ALK: variants seen among roughly 807,000 people sequenced by gnomAD.
The protein encoded by ALK is ALK receptor tyrosine kinase.
A neutral mutation model predicts 163.1 loss-of-function variants in ALK; 74 were observed. The observed-to-expected ratio is 0.45, with a 90% CI of 0.38 to 0.55. The LOEUF (loss-of-function observed/expected upper bound fraction) is 0.55. Ranked by LOEUF, ALK falls within the 20% of genes least tolerant of loss-of-function variation. The probability of loss-of-function intolerance (pLI) is 0.00; values close to 1 mark genes in which losing one functional copy is unlikely to be tolerated. For missense variants in ALK, 2,063 were observed against 2,105.3 expected (o/e 0.98, Z 0.39); for synonymous variants, 960 against 843.2 (o/e 1.14, Z -2.40).
chr2:29,894,367 T>C (rs1667217586), intron 1 of ALK, among the ~76,000 whole-genome samples: 2 of 152,190 alleles, frequency 1.3e-5, no homozygotes, highest in African/African-American at 2.4e-5. Context: ...GTGAGATACT[T>C]GGGCAAGGGA....
chr2:29,442,127 C>CCT (rs72540454), intron 4 of ALK, among the ~76,000 whole-genome samples: 1 of 151,250 alleles, frequency 6.6e-6, no homozygotes, highest in Non-Finnish European at 1.5e-5. Flanking sequence ...CCTCTGGTCT[C>CCT]CGGCAGCCAT....
chr2:29,867,915 G>A (rs1488875002), intron 1 of ALK, among the ~76,000 whole-genome samples: 1 of 152,314 alleles, frequency 6.6e-6, no homozygotes, highest in Non-Finnish European at 1.5e-5. Context: ...GATGGGAGGA[G>A]TGGGCAGCTG....
intron 1 of ALK, among the ~76,000 whole-genome samples, chr2:29,909,146 G>T (rs1558544015): frequency 6.6e-6 from 1 of 152,142 alleles, no homozygotes; most frequent in Admixed American, 6.5e-5. Flanking sequence ...CATGATACAA[G>T]AACTAGCACT....
chr2:29,647,145 C>T (rs1676899983), intron 3 of ALK, among the ~76,000 whole-genome samples: 1 of 152,176 alleles, frequency 6.6e-6, no homozygotes, highest in South Asian at 2.1e-4. Flanking sequence ...TTGAATACAA[C>T]TGCTCCTAGT....
intron 1 of ALK, among the ~76,000 whole-genome samples, chr2:29,767,238 C>T (rs996375764): frequency 6.6e-6 from 1 of 152,200 alleles, no homozygotes; most frequent in African/African-American, 2.4e-5. Flanking sequence ...GTTACTTGAT[C>T]AAGGTCACAC....
At chr2:29,810,798 T>C (rs1047864444) in intron 1 of ALK, among the ~76,000 whole-genome samples, 1 of 152,116 alleles carries the variant, frequency 6.6e-6, no homozygotes, top group Non-Finnish European at 1.5e-5. Context: ...TAATTCCCAA[T>C]GCAACTGTAT....
intron 4 of ALK, among the ~76,000 whole-genome samples, chr2:29,512,965 G>A (rs1254769953): frequency 2.0e-5 from 3 of 151,056 alleles, no homozygotes; most frequent in Non-Finnish European, 4.4e-5. Context: ...CCTCTTCAAG[G>A]AGAACTACAA....
At chr2:29,891,408 C>G (rs1667141841) in intron 1 of ALK, among the ~76,000 whole-genome samples, 1 of 152,178 alleles carries the variant, frequency 6.6e-6, no homozygotes, top group Admixed American at 6.5e-5. Flanking sequence ...GTGGGTAACA[C>G]TATGCATCTT....
intron 9 of ALK, among the ~76,000 whole-genome samples, chr2:29,295,918 G>T (rs1051230258): frequency 6.6e-6 from 1 of 152,038 alleles, no homozygotes; most frequent in East Asian, 1.9e-4. Flanking sequence ...ATGGCCCCTC[G>T]CCCCTCTTTT....
chr2:29,767,971 G>C (rs995463245), intron 1 of ALK, among the ~76,000 whole-genome samples: 1 of 152,236 alleles, frequency 6.6e-6, no homozygotes, highest in African/African-American at 2.4e-5. Context: ...AAAATGACTT[G>C]TTACTGTCCG....
chr2:29,666,591 C>T (rs1677520444), intron 3 of ALK, among the ~76,000 whole-genome samples: 1 of 152,078 alleles, frequency 6.6e-6, no homozygotes, highest in East Asian at 1.9e-4. Context: ...GAAGAACTTC[C>T]TAATTTCTCA....
intron 8 of ALK, among the ~76,000 whole-genome samples, chr2:29,314,024 T>C (rs1666759550): frequency 6.6e-6 from 1 of 152,164 alleles, no homozygotes; most frequent in Non-Finnish European, 1.5e-5. Flanking sequence ...CAAGCTTCAA[T>C]AAGCCCAATC....
At chr2:29,696,664 G>A (rs886114183) in intron 2 of ALK, among the ~76,000 whole-genome samples, 5 of 151,696 alleles carry the variant, frequency 3.3e-5, no homozygotes, top group Non-Finnish European at 5.9e-5. Flanking sequence ...GATCATTAGC[G>A]TATCATTATA....
intron 3 of ALK, among the ~76,000 whole-genome samples, chr2:29,669,101 C>T (rs925081672): frequency 7.2e-5 from 11 of 152,026 alleles, no homozygotes; most frequent in African/African-American, 2.7e-4. Flanking sequence ...CTGCAAATAT[C>T]AGTTAGGCAC....
intron 4 of ALK, among the ~76,000 whole-genome samples, chr2:29,454,447 T>C (rs1356511132): frequency 2.0e-5 from 3 of 152,198 alleles, no homozygotes; most frequent in East Asian, 1.9e-4. Flanking sequence ...TTCTATGTTG[T>C]ATTGTTACTT....
chr2:29,399,971 G>T (rs1669403792), intron 4 of ALK, among the ~76,000 whole-genome samples: 1 of 152,178 alleles, frequency 6.6e-6, no homozygotes, highest in South Asian at 2.1e-4. Flanking sequence ...GCAAGAGTCT[G>T]GTGCTGATCC....
Position 29,232,448 on chromosome 2 carries a change from T to A in ALK, c.2488A>T (p.Met830Leu), listed in dbSNP as rs780536554. The change falls in exon 15 of 29, where the codon ATG becomes TTG. Residue 830 changes from methionine to leucine, a missense_variant and splice_region_variant. Met to Leu is a conservative substitution (Grantham distance 15). This residue lies in a region of ALK where 575 missense variants were observed against 626.6 expected (regional missense o/e 0.92). Transcript: ENST00000389048. Reference sequence around the variant, plus strand: ...AGGGGCACCGGCACTCCATCCTTCATCTGACCAGGGGAGACATTCAGACAT... The same window carrying A: ...AGGGGCACCGGCACTCCATCCTTCAACTGACCAGGGGAGACATTCAGACAT... ...GGGGATYVFK[M>L]KDGVPVPLII... 39 of 1,614,086 alleles carry A rather than the reference T, an allele frequency of 2.4e-5. No homozygotes were observed. The highest frequency in any genetic ancestry group is 3.0e-5 in the Non-Finnish European group (35 of 1,180,022).
intron 9 of ALK, among the ~76,000 whole-genome samples, chr2:29,291,658 A>C (rs1247076728): frequency 1.3e-5 from 2 of 152,230 alleles, no homozygotes; most frequent in Non-Finnish European, 2.9e-5. Flanking sequence ...GCTAGCTCTA[A>C]TCATCATTTA....
intron 4 of ALK, among the ~76,000 whole-genome samples, chr2:29,402,905 A>G (rs929758110): frequency 2.6e-5 from 4 of 151,800 alleles, no homozygotes; most frequent in Non-Finnish European, 5.9e-5. Flanking sequence ...GTTACCCCCA[A>G]TTCTTTTCCC....
Sources: allele counts gnomAD v4.1 joint callset (sites outside exome capture counted in the v4.1 genomes callset), GRCh38; gene constraint gnomAD v4.1.1; regional missense constraint gnomAD v4.1.1; transcripts MANE v1.5; gene names NCBI Gene and HGNC (gene_info 2026-07-23, HGNC 2026-07-21).